The following RHCE variants were observed in gnomAD, a reference collection of about 807,000 sequenced individuals.
RHCE encodes the protein Rh blood group CcEe antigens, also known as blood group Rh(CE) polypeptide.
In RHCE, 22 loss-of-function variants were observed where a neutral mutation model predicts 43.8. The ratio of observed to expected loss-of-function variants is 0.50; its 90% CI spans 0.36 to 0.72. The LOEUF (loss-of-function observed/expected upper bound fraction) is 0.72, where lower values mean the gene tolerates loss of function less well. RHCE is among the 30% of genes least tolerant of loss of function. RHCE has a pLI of 0.00. For missense variants in RHCE, 385 were observed against 525.4 expected (o/e 0.73, Z 2.61); for synonymous variants, 156 against 210.7 (o/e 0.74, Z 2.25).
chr1:25,397,111 CAAAAAAAAAAAAAA>C (rs151106139), intron 3 of RHCE, among the ~76,000 whole-genome samples: 1 of 58,046 alleles, frequency 1.7e-5, no homozygotes, highest in Non-Finnish European at 2.9e-5. Context: ...GACTCTGTCT[CAAAAAAAAAAAAAA>C]AAAAAAAAGA....
chr1:25,383,611 G>A (rs1219141251), intron 7 of RHCE, among the ~76,000 whole-genome samples: 2 of 152,082 alleles, frequency 1.3e-5, no homozygotes, highest in Non-Finnish European at 2.9e-5. Context: ...TGAAGCCCAC[G>A]CCTTTTACTC....
chr1:25,381,759 A>G (rs548892468), intron 7 of RHCE, among the ~76,000 whole-genome samples: 2 of 149,658 alleles, frequency 1.3e-5, no homozygotes, highest in South Asian at 2.1e-4. Flanking sequence ...TGCCTGGCCT[A>G]ATGCTCCATT....
chr1:25,428,862 C>G (rs1342459652), intron 2 of RHCE: 1 of 152,338 alleles, frequency 6.6e-6, no homozygotes, highest in East Asian at 1.9e-4. Flanking sequence ...AGAAGCGGCA[C>G]TGACAGAGAT....
At chr1:25,380,899 C>CTTT (rs898980956) in intron 7 of RHCE, among the ~76,000 whole-genome samples, 18 of 128,930 alleles carry the variant, frequency 1.4e-4, no homozygotes, top group African/African-American at 2.5e-4. Flanking sequence ...TTCTTTCTTC[C>CTTT]TTTTTTTTTT....
intron 2 of RHCE, among the ~76,000 whole-genome samples, chr1:25,406,309 G>A (rs1646918727): frequency 8.3e-6 from 1 of 120,156 alleles, no homozygotes; most frequent in South Asian, 4.4e-4. Context: ...CTCTAAGATG[G>A]TTTTTGTTTT....
At chr1:25,386,417 C>T (rs1485661989) in intron 6 of RHCE, among the ~76,000 whole-genome samples, 1 of 152,222 alleles carries the variant, frequency 6.6e-6, no homozygotes. Context: ...ACTCAGTAAT[C>T]CTTCCTCCCC....
chr1:25,382,048 T>C (rs1397351868), intron 7 of RHCE, among the ~76,000 whole-genome samples: 1 of 151,364 alleles, frequency 6.6e-6, no homozygotes, highest in African/African-American at 2.5e-5. Context: ...TGCTGCATCA[T>C]GACATGGAGA....
intron 9 of RHCE, among the ~76,000 whole-genome samples, chr1:25,367,916 A>G (rs554165240): frequency 3.3e-5 from 5 of 150,336 alleles, no homozygotes; most frequent in East Asian, 3.9e-4. Flanking sequence ...TTGAGGCTAC[A>G]GTGAGTCATG....
intron 8 of RHCE, among the ~76,000 whole-genome samples, chr1:25,372,931 A>G (rs992866407): frequency 3.3e-5 from 5 of 151,510 alleles, no homozygotes; most frequent in Non-Finnish European, 5.9e-5. Context: ...CAGCCTCCGG[A>G]GCAGCTGGGA....
At position 25,402,667 on chromosome 1, in the gene RHCE, A is replaced by C; in HGVS notation, c.415T>G (p.Leu139Val). The change falls in exon 3 of 10, where the codon TTG becomes GTG. Residue 139 changes from leucine (L) to valine (V), a missense_variant. Coordinates refer to ENST00000294413, the MANE Select transcript of RHCE (RefSeq NM_020485.8). ...AVLGKVNLAQ[L>V]VVMVLVEVTA... is the part of the protein sequence containing the mutation. ...ACCTCCACCAGCACCATCACCACCA[A>C]CTGCGCCAAGTTGACCTTCCCCAAG... is the stretch of plus-strand genomic sequence containing the variant. The C allele has an allele frequency of 6.2e-7, 1 of 1,613,902 alleles. No individual in the cohort carries two copies. Among genetic ancestry groups the C allele is most frequent in the South Asian group, 1.1e-5 (1 of 91,048 alleles).
At chr1:25,395,066 C>A (rs1039875569) in intron 3 of RHCE, among the ~76,000 whole-genome samples, 4 of 145,004 alleles carry the variant, frequency 2.8e-5, no homozygotes, top group Non-Finnish European at 6.0e-5. Context: ...TTAAAGCAAT[C>A]GTTATGAAGA....
At chr1:25,382,137 T>C (rs1268396948) in intron 7 of RHCE, among the ~76,000 whole-genome samples, 2 of 150,118 alleles carry the variant, frequency 1.3e-5, no homozygotes, top group Non-Finnish European at 1.5e-5. Context: ...AGTGCCATCA[T>C]ACCTCACCCC....
At chr1:25,383,668 G>A (rs1423016460) in intron 7 of RHCE, among the ~76,000 whole-genome samples, 1 of 152,056 alleles carries the variant, frequency 6.6e-6, no homozygotes, top group African/African-American at 2.4e-5. Context: ...CTGTCACTAT[G>A]CCCTTCCCTT....
At chr1:25,386,008 G>A (rs1256480750) in intron 6 of RHCE, among the ~76,000 whole-genome samples, 164 bp from the exon 7 acceptor site, 2 of 152,128 alleles carry the variant, frequency 1.3e-5, no homozygotes, top group East Asian at 3.9e-4. Context: ...ACATCAATGG[G>A]GAGTTTGTTG....
chr1:25,373,277 G>A (rs963194876), intron 8 of RHCE, among the ~76,000 whole-genome samples: 1 of 151,610 alleles, frequency 6.6e-6, no homozygotes, highest in African/African-American at 2.4e-5. Flanking sequence ...GCACCACTTC[G>A]AATATACCAG....
rs1382679123 is a variant in RHCE, at chr1:25,376,666, G to A, written c.1074-1238C>T. ...GTGGTGGCTCACACCTGTAATCCCCGCACTTTGGGAGGCCGAGGCGGGTGG... is the reference window on the plus strand; with the variant it reads ...GTGGTGGCTCACACCTGTAATCCCCACACTTTGGGAGGCCGAGGCGGGTGG... On this transcript the variant is annotated intron_variant, in intron 7 of 9. Transcript: ENST00000294413. Among the ~76,000 whole-genome samples the A allele has an allele frequency of 4.6e-5, 7 of 152,246 alleles. No homozygotes were observed. The East Asian group carries it at 5.8e-4, about 13-fold the overall frequency.
At chr1:25,412,786 A>G (rs192406932) in intron 1 of RHCE, among the ~76,000 whole-genome samples, 12 of 142,224 alleles carry the variant, frequency 8.4e-5, no homozygotes, top group Admixed American at 5.1e-4. Context: ...GCACTTTGGG[A>G]GGCTGAGGTG....
At chr1:25,392,330 C>T (rs1325534110) in intron 3 of RHCE, among the ~76,000 whole-genome samples, 189 bp from the exon 4 acceptor site, 3 of 152,204 alleles carry the variant, frequency 2.0e-5, no homozygotes, top group East Asian at 3.8e-4. Context: ...GGCACGATCT[C>T]GGCTCACTGG....
At chr1:25,402,095 T>C (rs1001386589) in intron 3 of RHCE, among the ~76,000 whole-genome samples, 3 of 152,072 alleles carry the variant, frequency 2.0e-5, no homozygotes, top group Admixed American at 2.0e-4. Flanking sequence ...CAGGCTGGTC[T>C]TGAACTCCTG....
Sources: allele counts gnomAD v4.1 joint callset (sites outside exome capture counted in the v4.1 genomes callset), GRCh38; gene constraint gnomAD v4.1.1; transcripts MANE v1.5; gene names NCBI Gene and HGNC (gene_info 2026-07-23, HGNC 2026-07-21).